PIGK: variants seen among roughly 807,000 people sequenced by gnomAD.
PIGK encodes phosphatidylinositol glycan anchor biosynthesis class K.
PIGK carries 42 observed loss-of-function variants against 50.6 expected under a neutral mutation model. The observed-to-expected ratio is 0.83, with a 90% CI of 0.65 to 1.07. The LOEUF is 1.07. Ranked by LOEUF, PIGK falls within the 50% of genes least tolerant of loss-of-function variation. The pLI is 0.00. For missense variants in PIGK, 448 were observed against 488.7 expected, an observed-to-expected ratio of 0.92 and a Z score of 0.78; for synonymous variants, 151 against 156.0, an observed-to-expected ratio of 0.97 and a Z score of 0.24.
intron 10 of PIGK, among the ~76,000 whole-genome samples, chr1:77,097,652 C>G (rs1222870734): frequency 6.6e-6 from 1 of 152,064 alleles, no homozygotes; most frequent in Non-Finnish European, 1.5e-5. Flanking sequence ...TAACATTACT[C>G]TGGAATTTCT....
intron 3 of PIGK, 100 bp from the exon 4 acceptor site, chr1:77,169,495 TCC>T: frequency 4.8e-5 from 44 of 922,978 alleles, no homozygotes; most frequent in South Asian, 1.9e-4. Context: ...ATTTTTCTCC[TCC>T]TTAAAAAAAA....
intron 10 of PIGK, among the ~76,000 whole-genome samples, chr1:77,121,152 A>G (rs1654086947): frequency 6.6e-6 from 1 of 152,208 alleles, no homozygotes; most frequent in Non-Finnish European, 1.5e-5. Flanking sequence ...ACTGTTAAGA[A>G]CATATTGACT....
intron 9 of PIGK, among the ~76,000 whole-genome samples, chr1:77,127,750 A>T (rs1414727060): frequency 1.3e-5 from 2 of 152,190 alleles, no homozygotes; most frequent in Non-Finnish European, 2.9e-5. Flanking sequence ...CATACCAAAA[A>T]TAGGAAGGTA....
chr1:77,112,144 T>A (rs1161820704), intron 10 of PIGK, among the ~76,000 whole-genome samples: 3 of 152,026 alleles, frequency 2.0e-5, no homozygotes, highest in South Asian at 2.1e-4. Context: ...ACTGTGAATG[T>A]TAAAAATCTG....
At chr1:77,132,053 T>G (rs1252680484) in intron 9 of PIGK, among the ~76,000 whole-genome samples, 1 of 152,054 alleles carries the variant, frequency 6.6e-6, no homozygotes, top group Non-Finnish European at 1.5e-5. Flanking sequence ...GGAGTATCCT[T>G]CAGTTGAAGG....
chr1:77,102,842 T>C (rs146488167), intron 10 of PIGK, among the ~76,000 whole-genome samples: 2 of 152,186 alleles, frequency 1.3e-5, no homozygotes, highest in African/African-American at 2.4e-5. Flanking sequence ...ACAAAGAAGC[T>C]TTTTTTGTTT....
intron 10 of PIGK, among the ~76,000 whole-genome samples, chr1:77,100,027 T>C (rs1288771061): frequency 6.6e-6 from 1 of 152,196 alleles, no homozygotes; most frequent in Non-Finnish European, 1.5e-5. Flanking sequence ...GTACTTCCAA[T>C]TGCGAATAGT....
At chr1:77,136,301 G>A (rs1654512038) in intron 9 of PIGK, among the ~76,000 whole-genome samples, 3 of 151,950 alleles carry the variant, frequency 2.0e-5, no homozygotes, top group Non-Finnish European at 2.9e-5. Flanking sequence ...AGGCCGAGGC[G>A]GGCGGATCAC....
chr1:77,122,947 T>C (rs1369118189), intron 9 of PIGK, among the ~76,000 whole-genome samples: 1 of 152,182 alleles, frequency 6.6e-6, no homozygotes, highest in Non-Finnish European at 1.5e-5. Context: ...ACCCATGTCT[T>C]CTTCTTTGTA....
chr1:77,126,615 G>GTCT (rs1229981578), intron 9 of PIGK, among the ~76,000 whole-genome samples: 1 of 152,104 alleles, frequency 6.6e-6, no homozygotes, highest in Non-Finnish European at 1.5e-5. Context: ...TTTGCAAGGT[G>GTCT]TCTTCCATTA....
intron 10 of PIGK, among the ~76,000 whole-genome samples, chr1:77,095,192 C>G (rs1653382509): frequency 6.6e-6 from 1 of 152,122 alleles, no homozygotes; most frequent in Non-Finnish European, 1.5e-5. Flanking sequence ...TGCAGTCTCT[C>G]CCACCTTCTC....
chr1:77,186,519 G>C (rs1347905244), intron 3 of PIGK, among the ~76,000 whole-genome samples: 1 of 152,222 alleles, frequency 6.6e-6, no homozygotes, highest in African/African-American at 2.4e-5. Context: ...GAAATTTGGG[G>C]AAGAGGTATG....
chr1:77,204,098 C>A (rs1455490492), intron 3 of PIGK, among the ~76,000 whole-genome samples: 1 of 152,112 alleles, frequency 6.6e-6, no homozygotes, highest in Non-Finnish European at 1.5e-5. Flanking sequence ...CCAGACAGAA[C>A]AGAGTCATAT....
chr1:77,131,523 G>C (rs1436638029), intron 9 of PIGK, among the ~76,000 whole-genome samples: 1 of 152,002 alleles, frequency 6.6e-6, no homozygotes, highest in Non-Finnish European at 1.5e-5. Flanking sequence ...TATAAAGTTT[G>C]CTGCTAGCTT....
chr1:77,129,456 G>C (rs1252631617), intron 9 of PIGK: 1 of 1,458,156 alleles, frequency 6.9e-7, no homozygotes. Context: ...TCTGGTCATT[G>C]AGCATATCCA....
At chr1:77,112,339 A>G (rs1030234246) in intron 10 of PIGK, among the ~76,000 whole-genome samples, 2 of 152,078 alleles carry the variant, frequency 1.3e-5, no homozygotes, top group East Asian at 3.9e-4. Context: ...GTCAGTATCT[A>G]AACTACTGCC....
intron 9 of PIGK, among the ~76,000 whole-genome samples, chr1:77,148,365 T>C (rs1654817040): frequency 6.6e-6 from 1 of 152,312 alleles, no homozygotes; most frequent in Admixed American, 6.5e-5. Context: ...AGCAACATTG[T>C]AAATAAAATT....
intron 9 of PIGK, among the ~76,000 whole-genome samples, chr1:77,151,177 A>T (rs1288061077): frequency 2.0e-5 from 3 of 152,222 alleles, no homozygotes; most frequent in Non-Finnish European, 4.4e-5. Context: ...CATCCCAGAT[A>T]TGCAATAATG....
intron 9 of PIGK, among the ~76,000 whole-genome samples, chr1:77,149,182 G>A (rs1001782306): frequency 6.6e-6 from 1 of 152,128 alleles, no homozygotes; most frequent in Non-Finnish European, 1.5e-5. Flanking sequence ...AAAAGGAAGA[G>A]AGGAGTTACA....
Sources: allele counts gnomAD v4.1 joint callset (sites outside exome capture counted in the v4.1 genomes callset), GRCh38; gene constraint gnomAD v4.1.1; transcripts MANE v1.5; gene names NCBI Gene and HGNC (gene_info 2026-07-23, HGNC 2026-07-21).